Variants in MLLT1 observed in about 807,000 individuals in gnomAD.
MLLT1 encodes the protein protein ENL.
MLLT1 carries 11 observed loss-of-function variants against 55.1 expected under a neutral mutation model. The observed-to-expected ratio is 0.20, with a 90% CI of 0.13 to 0.33. The LOEUF is 0.33. MLLT1 is among the 10% of genes least tolerant of loss of function. The pLI is 1.00. For synonymous variants in MLLT1, 323 were observed against 320.1 expected (o/e 1.01, Z -0.10); for missense variants, 536 against 760.6 (o/e 0.70, Z 3.47).
chr19:6,237,487 G>C (rs1411212516), intron 3 of MLLT1, among the ~76,000 whole-genome samples: 1 of 152,066 alleles, frequency 6.6e-6, no homozygotes, highest in African/African-American at 2.4e-5. Context: ...GCCAGGCGCG[G>C]TGGCTCACGC....
intron 3 of MLLT1, among the ~76,000 whole-genome samples, chr19:6,251,025 A>C (rs1448265495): frequency 6.6e-6 from 1 of 152,188 alleles, no homozygotes. Flanking sequence ...CATTTATATG[A>C]AACTGCCAGA....
chr19:6,216,555 G>A (rs1360043556), intron 7 of MLLT1, 42 bp from the exon 8 acceptor site: 3 of 1,414,238 alleles, frequency 2.1e-6, no homozygotes, highest in African/African-American at 1.4e-5. Context: ...CAAGGGCAGG[G>A]CTCCACTGAG....
At chr19:6,242,238 C>T (rs1045149215) in intron 3 of MLLT1, among the ~76,000 whole-genome samples, 2 of 152,278 alleles carry the variant, frequency 1.3e-5, no homozygotes, top group Non-Finnish European at 2.9e-5. Flanking sequence ...CAGAGGGTGG[C>T]GGCTATGGAG....
intron 3 of MLLT1, among the ~76,000 whole-genome samples, chr19:6,245,913 C>T (rs753117408): frequency 2.7e-5 from 4 of 150,928 alleles, no homozygotes; most frequent in Non-Finnish European, 5.9e-5. Flanking sequence ...AACAGACAAA[C>T]AAAAAACCCA....
chr19:6,211,892 G>A lies in MLLT1; in HGVS notation c.*1150C>T. The A allele has an allele frequency of 9.4e-7, 1 of 1,064,890 alleles. No individual in the cohort carries two copies. The highest frequency in any genetic ancestry group is 1.1e-6 in the Non-Finnish European group (1 of 878,786). 66.0% of individuals were successfully genotyped at this position (1,064,890 alleles called of 1,614,324 possible). On this transcript the variant is annotated 3_prime_UTR_variant, in exon 12 of 12. Coordinates refer to ENST00000252674, the MANE Select transcript of MLLT1 (RefSeq NM_005934.4). This position sits in a 1 kb window ranked among gnomAD's most constrained non-coding sequence, Gnocchi z 4.6. Reference sequence around the variant, plus strand: ...CGGCACCAGCATGAATTGCGGCGGTGGAGGCCGGGGCGGGCCAGGCCGCGA... The same window carrying A: ...CGGCACCAGCATGAATTGCGGCGGTAGAGGCCGGGGCGGGCCAGGCCGCGA...
rs1274479968 is a variant in MLLT1, at chr19:6,235,087, G to C, written c.277-4374C>G. Among the ~76,000 whole-genome samples, 1 of 152,208 alleles carries C rather than the reference G, an allele frequency of 6.6e-6. No individual in the cohort carries two copies. Among genetic ancestry groups the C allele is most frequent in the Admixed American group, 6.5e-5 (1 of 15,286 alleles). ...TTTACACATGAAATGAGGATGTCTG[G>C]GATTTGCTCCAGAATGACCAGGAGG... On this transcript the variant is annotated intron_variant, in intron 3 of 11. Transcript: ENST00000252674. The surrounding 1 kb of genome is among the most constrained non-coding windows in gnomAD (Gnocchi z 5.5).
intron 1 of MLLT1, among the ~76,000 whole-genome samples, chr19:6,275,653 G>A (rs1397584846): frequency 6.6e-6 from 1 of 152,102 alleles, no homozygotes; most frequent in Non-Finnish European, 1.5e-5. Context: ...TGGCACACTG[G>A]GGCTAGGGGC....
intron 3 of MLLT1, among the ~76,000 whole-genome samples, chr19:6,237,316 G>A (rs758730584): frequency 8.5e-5 from 13 of 152,184 alleles, no homozygotes; most frequent in Non-Finnish European, 1.6e-4. Context: ...CTGGATGTGA[G>A]GGGAGAGCAA....
chr19:6,211,600 A>C lies in MLLT1; in HGVS notation c.*1442T>G. ...TTCGAGGGGGTGCGAGCCCACCTCC[A>C]GGCCCTCAGCCCTCTTTTCCTCATA... On this transcript the variant is annotated 3_prime_UTR_variant, in exon 12 of 12. Coordinates refer to ENST00000252674, the MANE Select transcript of MLLT1 (RefSeq NM_005934.4). This position sits in a 1 kb window ranked among gnomAD's most constrained non-coding sequence, Gnocchi z 4.6. The C allele has an allele frequency of 3.8e-6, 4 of 1,065,024 alleles. No individual in the cohort carries two copies. Among genetic ancestry groups the C allele is most frequent in the Non-Finnish European group, 4.6e-6 (4 of 878,956 alleles). 66.0% of individuals were successfully genotyped at this position (1,065,024 alleles called of 1,614,324 possible).
Position 6,235,746 on chromosome 19 carries a change from T to A in MLLT1, c.277-5033A>T, listed in dbSNP as rs1190170307. 1.3e-5 allele frequency among the ~76,000 whole-genome samples: 2 copies of A among 152,140 alleles called. No individual in the cohort carries two copies. The highest frequency in any genetic ancestry group is 2.9e-5 in the Non-Finnish European group (2 of 68,008). On this transcript the variant is annotated intron_variant, in intron 3 of 11. Transcript: ENST00000252674. This position sits in a 1 kb window ranked among gnomAD's most constrained non-coding sequence, Gnocchi z 5.5. Reference sequence around the variant, plus strand: ...CCCCCTTTCAGGCACGGTATCTCCATGGGCTCAGGGCTCACCCTAGCCCAC... The same window carrying A: ...CCCCCTTTCAGGCACGGTATCTCCAAGGGCTCAGGGCTCACCCTAGCCCAC...
rs1425134112 is a variant in MLLT1, at chr19:6,219,517, A to C, written c.1111-1476T>G. On this transcript the variant is annotated intron_variant, in intron 6 of 11. Transcript: ENST00000252674. The surrounding 1 kb of genome is among the most constrained non-coding windows in gnomAD (Gnocchi z 4.5). ...ATGGCCTATTTAACCCCAGCCTTCT[A>C]ACCAGCAGGCCTTGCTACTCAGAAC... 6.6e-6 allele frequency among the ~76,000 whole-genome samples: 1 copy of C among 152,142 alleles called. No individual in the cohort carries two copies. Among genetic ancestry groups the C allele is most frequent in the East Asian group, 1.9e-4 (1 of 5,184 alleles).
In MLLT1 at chr19:6,213,732, G is replaced by A. The variant is rs775039747; in HGVS notation, c.1473C>T (p.Tyr491=). The A allele has an allele frequency of 9.7e-5, 156 of 1,605,932 alleles. 3 individuals are homozygous for A. In the South Asian group the frequency reaches 1.4e-3, roughly 15 times the overall value. ...KPEKILKKGT[Y]DKAYTDELVE... The stretch of plus-strand genomic sequence containing the variant: ...GTCGTAGGTGCCCCCCCACCTTGTC[G>A]TAGGTGCCCTTCTTGAGGATCTTCT... Residue 491 remains tyrosine, a synonymous_variant, in exon 10 of 12, where the codon TAC becomes TAT. Transcript: ENST00000252674.
Position 6,222,006 on chromosome 19 carries a change from G to T in MLLT1, c.1110+115C>A. The T allele has an allele frequency of 2.4e-6, 2 of 816,468 alleles. No individual in the cohort carries two copies. The highest frequency in any genetic ancestry group is 3.4e-6 in the Non-Finnish European group (2 of 587,252). 50.6% of individuals were successfully genotyped at this position (816,468 alleles called of 1,614,324 possible). Reference sequence around the variant, plus strand: ...TTACAAGAAGCCAGTGGGAGGAGCAGCTGGTGAGACCTGAGGTCCTGGCTC... The same window carrying T: ...TTACAAGAAGCCAGTGGGAGGAGCATCTGGTGAGACCTGAGGTCCTGGCTC... On this transcript the variant is annotated intron_variant, in intron 6 of 11. Coordinates refer to ENST00000252674, the MANE Select transcript of MLLT1 (RefSeq NM_005934.4). The surrounding 1 kb of genome is among the most constrained non-coding windows in gnomAD (Gnocchi z 4.1).
intron 3 of MLLT1, among the ~76,000 whole-genome samples, chr19:6,257,447 T>C (rs532569491): frequency 6.8e-6 from 1 of 146,058 alleles, no homozygotes; most frequent in African/African-American, 2.5e-5. Flanking sequence ...TGAAATCACA[T>C]ACCCAAAATA....
chr19:6,272,792 G>A (rs760713770), intron 1 of MLLT1, among the ~76,000 whole-genome samples: 23 of 152,344 alleles, frequency 1.5e-4, no homozygotes, highest in Non-Finnish European at 2.8e-4. Flanking sequence ...TGGCAGATAA[G>A]GACAGGCCAG....
rs569135538 is a variant in MLLT1 at position 6,271,931 on chromosome 19, G to A, written c.13-1172C>T. ...AGTGGCTGCAATCCCTCCAGTACCT[G>A]TCTCTTCTTTGGCATTTCGAGGCCC... is the stretch of plus-strand genomic sequence containing the variant. On this transcript the variant is annotated intron_variant, in intron 1 of 11. Coordinates refer to ENST00000252674, the MANE Select transcript of MLLT1 (RefSeq NM_005934.4). Among the ~76,000 whole-genome samples the A allele has an allele frequency of 2.0e-5, 3 of 152,334 alleles. No individual in the cohort carries two copies. In the South Asian group the frequency reaches 6.2e-4, roughly 32 times the overall value.
chr19:6,257,694 G>A (rs775400663), intron 3 of MLLT1, among the ~76,000 whole-genome samples: 3 of 151,966 alleles, frequency 2.0e-5, no homozygotes, highest in African/African-American at 4.8e-5. Context: ...CCAGCTACTC[G>A]GGAGGCTGAG....
At position 6,240,849 on chromosome 19, in the gene MLLT1, C is replaced by T. The variant is rs973705631; in HGVS notation, c.277-10136G>A. Among the ~76,000 whole-genome samples the T allele has an allele frequency of 9.9e-5, 15 of 152,130 alleles. No homozygotes were observed. Among genetic ancestry groups the T allele is most frequent in the African/African-American group, 3.4e-4 (14 of 41,406 alleles). ...TCCTGCATCGATGAGCAATTAGAAA[C>T]CAAAAGGAGGAGGCAGAAATGCAGA... On this transcript the variant is annotated intron_variant, in intron 3 of 11. Transcript: ENST00000252674. This position sits in a 1 kb window ranked among gnomAD's most constrained non-coding sequence, Gnocchi z 4.7.
chr19:6,271,111 G>A (rs1284833039), intron 1 of MLLT1, among the ~76,000 whole-genome samples: 1 of 151,816 alleles, frequency 6.6e-6, no homozygotes, highest in Non-Finnish European at 1.5e-5. Flanking sequence ...CCACACTGGC[G>A]CCTCTTGTCA....
Sources: gnomAD v4.1 joint callset for allele counts (sites outside exome capture counted in the v4.1 genomes callset) on GRCh38, gnomAD v4.1.1 for gene constraint, Gnocchi (gnomAD v3.1) non-coding constraint, MANE v1.5 for transcripts, NCBI Gene and HGNC (gene_info 2026-07-23, HGNC 2026-07-21) for gene names.